The following AGBL1 variants were observed in gnomAD, a reference collection of about 807,000 sequenced individuals.
The protein encoded by AGBL1 is AGBL carboxypeptidase 1.
AGBL1 carries 130 observed loss-of-function variants against 118.9 expected under a neutral mutation model. That is an observed-to-expected ratio of 1.09 (90% confidence interval 0.95 to 1.26). The LOEUF (loss-of-function observed/expected upper bound fraction) is 1.26, where lower values mean the gene tolerates loss of function less well. Among genes scored for constraint, AGBL1 ranks in the 50% most tolerant of loss-of-function variants. AGBL1 has a pLI of 0.00. For missense variants in AGBL1, 1,584 were observed against 1,298.1 expected (o/e 1.22, Z -3.38); for synonymous variants, 555 against 478.9 (o/e 1.16, Z -2.08).
chr15:86,525,466 T>C (rs556354443), intron 19 of AGBL1, among the ~76,000 whole-genome samples: 1 of 152,248 alleles, frequency 6.6e-6, no homozygotes, highest in Admixed American at 6.5e-5. Flanking sequence ...AGGCATCACA[T>C]TACTGGATTT....
chr15:86,137,867 G>A (rs904357183), intron 1 of AGBL1, among the ~76,000 whole-genome samples: 5 of 152,170 alleles, frequency 3.3e-5, no homozygotes, highest in Non-Finnish European at 7.3e-5. Flanking sequence ...TGCAGCATAT[G>A]ATGTTGGCCA....
At chr15:86,515,529 C>A (rs1386106280) in intron 18 of AGBL1, among the ~76,000 whole-genome samples, 1 of 151,964 alleles carries the variant, frequency 6.6e-6, no homozygotes, top group Non-Finnish European at 1.5e-5. Context: ...TAAACATTGT[C>A]TTTTATTATT....
chr15:86,948,104 G>C (rs1434739843), intron 23 of AGBL1, among the ~76,000 whole-genome samples: 1 of 152,080 alleles, frequency 6.6e-6, no homozygotes, highest in African/African-American at 2.4e-5. Flanking sequence ...AGCAAAAATA[G>C]AACCAAGAGC....
At chr15:86,641,976 CTTA>C (rs1167180619) in intron 21 of AGBL1, among the ~76,000 whole-genome samples, 1 of 152,174 alleles carries the variant, frequency 6.6e-6, no homozygotes, top group Non-Finnish European at 1.5e-5. Flanking sequence ...TATGTCTTTT[CTTA>C]TTATGTGATT....
intron 22 of AGBL1, among the ~76,000 whole-genome samples, chr15:86,699,089 T>C (rs1216596338): frequency 6.6e-6 from 1 of 151,966 alleles, no homozygotes; most frequent in Admixed American, 6.6e-5. Flanking sequence ...TCAGGTAACA[T>C]GCCTTTCATA....
Position 86,397,474 on chromosome 15 carries a change from C to T in AGBL1, c.2483C>T (p.Ala828Val), listed in dbSNP as rs2081385143. 2 of 1,613,126 alleles carry T rather than the reference C, an allele frequency of 1.2e-6. No individual in the cohort carries two copies. Among genetic ancestry groups the T allele is most frequent in the East Asian group, 4.5e-5 (2 of 44,852 alleles). ...TTCCTGGTCAGCAGTGACCCTGTGG[C>T]TAGGCTCTTGAGGGAAAACTTCATC... is the stretch of plus-strand genomic sequence containing the variant. ...LEFLVSSDPV[A>V]RLLRENFIFK... is the part of the protein sequence containing the mutation. The change falls in exon 18 of 23, where the codon GCT becomes GTT. Residue 828 changes from alanine (A) to valine (V), a missense_variant. Transcript: ENST00000614907.
At chr15:86,938,145 T>C (rs2080699039) in intron 23 of AGBL1, among the ~76,000 whole-genome samples, 1 of 152,208 alleles carries the variant, frequency 6.6e-6, no homozygotes, top group Non-Finnish European at 1.5e-5. Flanking sequence ...TGGTCCCTAA[T>C]TTTCCAGCTT....
At chr15:86,527,162 T>G (rs993293362) in intron 19 of AGBL1, among the ~76,000 whole-genome samples, 1 of 152,156 alleles carries the variant, frequency 6.6e-6, no homozygotes, top group Admixed American at 6.5e-5. Flanking sequence ...AAAAGTATGT[T>G]TCTCTGAGTA....
At chr15:86,169,573 T>C (rs780213505) in intron 5 of AGBL1, among the ~76,000 whole-genome samples, 14 of 152,216 alleles carry the variant, frequency 9.2e-5, no homozygotes, top group Non-Finnish European at 1.6e-4. Context: ...ATTGCAATAG[T>C]CGCATATAAC....
At chr15:86,240,376 A>G (rs2078622158) in intron 6 of AGBL1, among the ~76,000 whole-genome samples, 1 of 152,238 alleles carries the variant, frequency 6.6e-6, no homozygotes, top group Non-Finnish European at 1.5e-5. Context: ...AGACTCCCTG[A>G]AAAGACCCCT....
intron 22 of AGBL1, among the ~76,000 whole-genome samples, chr15:86,860,140 A>G (rs2079541193): frequency 6.6e-6 from 1 of 152,120 alleles, no homozygotes; most frequent in Non-Finnish European, 1.5e-5. Context: ...AAAAACGGTG[A>G]ACTTAGGGCA....
intron 17 of AGBL1, among the ~76,000 whole-genome samples, chr15:86,371,835 A>G (rs538593803): frequency 2.6e-5 from 4 of 152,246 alleles, no homozygotes; most frequent in African/African-American, 9.6e-5. Flanking sequence ...GTGTTTTGGC[A>G]CAATTTTGGT....
At chr15:86,622,180 A>T (rs1035318360) in intron 21 of AGBL1, among the ~76,000 whole-genome samples, 1 of 152,078 alleles carries the variant, frequency 6.6e-6, no homozygotes, top group Non-Finnish European at 1.5e-5. Context: ...ATACAAAAAA[A>T]TTAGCTAAGC....
chr15:86,813,149 A>G (rs999670626), intron 22 of AGBL1, among the ~76,000 whole-genome samples: 5 of 151,978 alleles, frequency 3.3e-5, no homozygotes, highest in African/African-American at 1.2e-4. Flanking sequence ...ACAGCCTCGA[A>G]CACATGGGAC....
intron 22 of AGBL1, among the ~76,000 whole-genome samples, chr15:86,890,112 C>T (rs551372625): frequency 6.6e-5 from 10 of 152,174 alleles, no homozygotes; most frequent in Admixed American, 1.3e-4. Flanking sequence ...GATAGTATCA[C>T]ACTGTGGTTT....
intron 16 of AGBL1, among the ~76,000 whole-genome samples, chr15:86,286,867 G>T (rs553902251): frequency 6.6e-6 from 1 of 151,508 alleles, no homozygotes; most frequent in Non-Finnish European, 1.5e-5. Context: ...AGTTCCTTTG[G>T]ATATATACCC....
At chr15:86,523,119 G>A (rs773898267) in intron 19 of AGBL1, among the ~76,000 whole-genome samples, 180 bp downstream of exon 19, 2 of 152,240 alleles carry the variant, frequency 1.3e-5, no homozygotes, top group Non-Finnish European at 2.9e-5. Context: ...CCACAACTGG[G>A]TAGCTTTGTG....
intron 17 of AGBL1, among the ~76,000 whole-genome samples, chr15:86,346,640 C>T (rs533916725): frequency 2.0e-5 from 3 of 152,262 alleles, no homozygotes; most frequent in East Asian, 1.9e-4. Flanking sequence ...TGAGCCACCA[C>T]GCCCGGCCAA....
At chr15:86,784,298 A>T (rs16977980) in intron 22 of AGBL1, among the ~76,000 whole-genome samples, 6,459 of 152,306 alleles carry the variant, frequency 0.042, 299 homozygotes, top group East Asian at 0.11. Context: ...AATTCAGGAA[A>T]AATATAGCCA....
Sources: gnomAD v4.1 joint callset for allele counts (sites outside exome capture counted in the v4.1 genomes callset) on GRCh38, gnomAD v4.1.1 for gene constraint, MANE v1.5 for transcripts, NCBI Gene and HGNC (gene_info 2026-07-23, HGNC 2026-07-21) for gene names.